RGS3: variants seen among roughly 807,000 people sequenced by gnomAD.
RGS3 encodes regulator of G-protein signalling 3.
A neutral mutation model predicts 132.6 loss-of-function variants in RGS3; 80 were observed. That is an observed-to-expected ratio of 0.60 (90% CI 0.50 to 0.73). The LOEUF is 0.73. Among genes scored for constraint, RGS3 ranks in the 30% least tolerant of loss-of-function variants. The pLI, the probability that RGS3 is intolerant of heterozygous loss-of-function variation, is 0.00. For missense variants in RGS3, 1,382 were observed against 1,530.8 expected, an observed-to-expected ratio of 0.90 and a Z score of 1.62; for synonymous variants, 598 against 620.6, an observed-to-expected ratio of 0.96 and a Z score of 0.54.
rs1031820374 is a variant in RGS3 at position 113,463,654 on chromosome 9, T to C, written c.415+1453T>C. 4 of 1,190,066 alleles carry C rather than the reference T, an allele frequency of 3.4e-6. No homozygotes were observed. The African/African-American group carries it at 6.7e-5, about 20-fold the overall frequency. 73.7% of individuals were successfully genotyped at this position (1,190,066 alleles called of 1,614,324 possible). A position where few individuals can be genotyped will look rare whatever the true frequency, so the allele number is the denominator to read the frequency against. On this transcript the variant is annotated intron_variant, in intron 3 of 24. Coordinates refer to ENST00000350696, the Ensembl canonical transcript of RGS3. This position sits in a 1 kb window ranked among gnomAD's most constrained non-coding sequence, Gnocchi z 4.6. Reference sequence around the variant, plus strand: ...CCCCATTCAAACCCGCGCGGGCCAATCAGGGCCGGGCGCGCCCTGGCCGTT... The same window carrying C: ...CCCCATTCAAACCCGCGCGGGCCAACCAGGGCCGGGCGCGCCCTGGCCGTT...
At chr9:113,486,171 G>A (rs1235554865) in intron 7 of RGS3, among the ~76,000 whole-genome samples, 1 of 152,234 alleles carries the variant, frequency 6.6e-6, no homozygotes, top group African/African-American at 2.4e-5. Context: ...AATGACATGA[G>A]TAATAAAGGC....
chr9:113,518,288 G>C (rs1029138128), intron 16 of RGS3, among the ~76,000 whole-genome samples: 5 of 152,250 alleles, frequency 3.3e-5, no homozygotes, highest in Admixed American at 2.0e-4. Context: ...GAGGGTAGCA[G>C]GCTCTTTGCA....
chr9:113,481,926 A>G (rs1830172069), intron 4 of RGS3, among the ~76,000 whole-genome samples: 1 of 152,114 alleles, frequency 6.6e-6, no homozygotes, highest in Admixed American at 6.5e-5. Flanking sequence ...CAAGCCTGTA[A>G]TCCCCGCTAC....
At chr9:113,522,845 C>T in intron 16 of RGS3, 85 bp from the exon 15 acceptor site, 1 of 860,044 alleles carries the variant, frequency 1.2e-6, no homozygotes, top group South Asian at 1.3e-5. Flanking sequence ...GAGGCTGTGG[C>T]TCCCCACCTT....
intron 19 of RGS3, among the ~76,000 whole-genome samples, chr9:113,561,817 G>A (rs1833803168): frequency 6.6e-6 from 1 of 152,222 alleles, no homozygotes; most frequent in Non-Finnish European, 1.5e-5. Flanking sequence ...GGAGCAGCCT[G>A]TCTCTGGCAC....
intron 19 of RGS3, among the ~76,000 whole-genome samples, chr9:113,540,247 G>A (rs2118642989): frequency 6.6e-6 from 1 of 152,220 alleles, no homozygotes; most frequent in East Asian, 1.9e-4. Context: ...GAATAACTCA[G>A]AGCTGGGCCC....
intron 15 of RGS3, 85 bp downstream of exon 13, chr9:113,514,739 C>CA: frequency 1.5e-6 from 2 of 1,358,822 alleles, no homozygotes; most frequent in Non-Finnish European, 2.0e-6. Flanking sequence ...GGGATGATGA[C>CA]TTATCCCAGG....
At chr9:113,553,511 T>G (rs1229953558) in intron 19 of RGS3, among the ~76,000 whole-genome samples, 1 of 128,974 alleles carries the variant, frequency 7.8e-6, no homozygotes, top group African/African-American at 2.9e-5. Flanking sequence ...ATATTATATA[T>G]AAATATATTA....
chr9:113,488,180 G>C (rs1466531431), intron 7 of RGS3, among the ~76,000 whole-genome samples: 1 of 152,202 alleles, frequency 6.6e-6, no homozygotes, highest in Non-Finnish European at 1.5e-5. Context: ...TGATTTGGCT[G>C]TGAGAGCAGT....
chr9:113,471,606 C>T (rs1297943934), intron 3 of RGS3, among the ~76,000 whole-genome samples: 1 of 151,806 alleles, frequency 6.6e-6, no homozygotes, highest in Non-Finnish European at 1.5e-5. Flanking sequence ...TGCCTCTCTC[C>T]CTCCTTTTCT....
intron 19 of RGS3, among the ~76,000 whole-genome samples, chr9:113,546,494 G>T (rs1313530938): frequency 6.6e-6 from 1 of 152,206 alleles, no homozygotes; most frequent in African/African-American, 2.4e-5. Context: ...ATTGAATTAG[G>T]CTGTCCAGTT....
intron 1 of RGS3, among the ~76,000 whole-genome samples, chr9:113,454,112 C>T (rs1039323908): frequency 3.3e-5 from 5 of 151,996 alleles, no homozygotes; most frequent in Admixed American, 2.0e-4. Flanking sequence ...CCATACCTGG[C>T]GTACTTAACA....
chr9:113,483,127 G>T lies in RGS3; in HGVS notation c.525+10G>T. On this transcript the variant is annotated intron_variant, in intron 5 of 24. Coordinates refer to ENST00000350696, the Ensembl canonical transcript of RGS3. ...TGATCCGTATGTGAAGGTATGTGGTGGGGCCGGAGATGGAGAGTGGGATAT... is the reference window on the plus strand; with the variant it reads ...TGATCCGTATGTGAAGGTATGTGGTTGGGCCGGAGATGGAGAGTGGGATAT... The T allele has an allele frequency of 6.3e-7, 1 of 1,589,502 alleles. No homozygotes were observed. The highest frequency in any genetic ancestry group is 8.6e-7 in the Non-Finnish European group (1 of 1,158,326).
chr9:113,584,065 G>A, exon 20 of RGS3: 1 of 1,614,166 alleles, frequency 6.2e-7, no homozygotes, highest in Non-Finnish European at 8.5e-7. Context: ...TGCAGAAGAG[G>A]CCGAGGAGGT....
At position 113,477,101 on chromosome 9, in the gene RGS3, C is replaced by T. The variant is rs543330596; in HGVS notation, c.416-2390C>T. 3.0e-4 allele frequency among the ~76,000 whole-genome samples: 45 copies of T among 152,256 alleles called. 1 individual carries two copies. Among genetic ancestry groups the T allele is most frequent in the Admixed American group, 2.9e-3 (45 of 15,284 alleles). The stretch of plus-strand genomic sequence containing the variant: ...TAGGTTTCTCAGCTCTAGGAAGCCA[C>T]AATGAAGTAATTGCTCAGACTTTGA... On this transcript the variant is annotated intron_variant, in intron 3 of 24. Coordinates refer to ENST00000350696, the Ensembl canonical transcript of RGS3.
In RGS3 at chr9:113,529,214, C is replaced by A. The variant is rs762945272; in HGVS notation, c.1871-7C>A. ...TAATGCAAATCTTACTTTTTGTTCC[C>A]TCAAAGGTTCTTCAGAAGACCTGAA... is the stretch of plus-strand genomic sequence containing the variant. On this transcript the variant is annotated splice_region_variant and splice_polypyrimidine_tract_variant and intron_variant, in intron 17 of 24. Transcript: ENST00000350696. 1.9e-6 allele frequency: 3 copies of A among 1,611,902 alleles called. No homozygotes were observed. The highest frequency in any genetic ancestry group is 2.5e-6 in the Non-Finnish European group (3 of 1,177,964).
At position 113,491,474 on chromosome 9, in the gene RGS3, C is replaced by T. The variant is rs1323953082; in HGVS notation, c.690-4312C>T. ...CCATGTTGGCCAGGCTGGTCTCCAT[C>T]TCCTGACCTCAGGTGATCCACCCGC... On this transcript the variant is annotated intron_variant, in intron 7 of 24. Coordinates refer to ENST00000350696, the Ensembl canonical transcript of RGS3. 2.6e-5 allele frequency among the ~76,000 whole-genome samples: 4 copies of T among 151,850 alleles called. No individual in the cohort carries two copies. The East Asian group carries it at 7.7e-4, about 29-fold the overall frequency.
intron 1 of RGS3, among the ~76,000 whole-genome samples, chr9:113,454,980 T>G (rs1377740578): frequency 2.0e-5 from 3 of 152,130 alleles, no homozygotes; most frequent in Non-Finnish European, 4.4e-5. Context: ...TCTGGAGACC[T>G]CTGGGGCCCT....
intron 8 of RGS3, among the ~76,000 whole-genome samples, chr9:113,496,949 A>G (rs920842519): frequency 3.9e-5 from 6 of 152,152 alleles, no homozygotes; most frequent in African/African-American, 1.4e-4. Flanking sequence ...TGGTCTCTCC[A>G]TCCCTCTTTC....
Sources: allele counts gnomAD v4.1 joint callset (sites outside exome capture counted in the v4.1 genomes callset), GRCh38; gene constraint gnomAD v4.1.1; non-coding constraint Gnocchi (gnomAD v3.1); transcripts MANE v1.5; gene names NCBI Gene and HGNC (gene_info 2026-07-23, HGNC 2026-07-21).